The following ATRX variants were observed in gnomAD, a reference collection of about 807,000 sequenced individuals.
ATRX encodes the protein ATRX chromatin remodeler, also known as chromatin remodeler ATRX.
A neutral mutation model predicts 172.6 loss-of-function variants in ATRX; 12 were observed. The observed-to-expected ratio is 0.07, with a 90% CI of 0.04 to 0.11. ATRX has a LOEUF of 0.11. Among genes scored for constraint, ATRX ranks in the 10% least tolerant of loss-of-function variants. The probability of loss-of-function intolerance (pLI) is 1.00; values close to 1 mark genes in which losing one functional copy is unlikely to be tolerated. For synonymous variants in ATRX, 674 were observed against 594.7 expected, an observed-to-expected ratio of 1.13 and a Z score of -1.94; for missense variants, 1,368 against 1,767.4, an observed-to-expected ratio of 0.77 and a Z score of 4.05.
At chrX:77,623,194 C>T (rs1743050638) in intron 19 of ATRX, among the ~76,000 whole-genome samples, 1 of 111,036 alleles carries the variant, frequency 9.0e-6, no homozygotes, top group Non-Finnish European at 1.9e-5. Context: ...GAGAGAAAAT[C>T]CAAATAAAGT....
chrX:77,583,128 A>G (rs1557074962), intron 27 of ATRX, among the ~76,000 whole-genome samples: 2 of 111,989 alleles, frequency 1.8e-5, no homozygotes, highest in African/African-American at 6.5e-5. Flanking sequence ...TAATAAAATG[A>G]TCATCCATCA....
At chrX:77,764,644 G>A (rs781790643) in intron 1 of ATRX, among the ~76,000 whole-genome samples, 1 of 111,936 alleles carries the variant, frequency 8.9e-6, no homozygotes, top group Non-Finnish European at 1.9e-5. Context: ...TTTTACAGAA[G>A]ACTGGAATTG....
At chrX:77,570,793 T>C (rs1397963053) in intron 28 of ATRX, among the ~76,000 whole-genome samples, 1 of 111,582 alleles carries the variant, frequency 9.0e-6, no homozygotes, top group Non-Finnish European at 1.9e-5. Context: ...CAGGAAGTAT[T>C]TGCAAACCAT....
At chrX:77,641,833 G>A (rs2068672999) in intron 15 of ATRX, among the ~76,000 whole-genome samples, 1 of 110,638 alleles carries the variant, frequency 9.0e-6, no homozygotes, top group Non-Finnish European at 1.9e-5. Flanking sequence ...ATATTAAAGA[G>A]CATAATATAT....
intron 30 of ATRX, among the ~76,000 whole-genome samples, chrX:77,541,265 C>T (rs1476298783): frequency 1.8e-5 from 2 of 111,918 alleles, no homozygotes; most frequent in African/African-American, 6.5e-5. Flanking sequence ...AAGTCTAAAC[C>T]GGGAAGAAGT....
At chrX:77,777,664 A>C (rs1369348050) in intron 1 of ATRX, among the ~76,000 whole-genome samples, 1 of 111,569 alleles carries the variant, frequency 9.0e-6, no homozygotes, top group Non-Finnish European at 1.9e-5. Flanking sequence ...AAATAAGCAA[A>C]ATAACAAATC....
chrX:77,655,008 C>T (rs1394449486), intron 13 of ATRX, among the ~76,000 whole-genome samples: 2 of 111,128 alleles, frequency 1.8e-5, no homozygotes, highest in African/African-American at 6.5e-5. Flanking sequence ...AGCTGGAGCA[C>T]ATGATGCTAA....
chrX:77,652,404 T>C (rs1557117521), intron 14 of ATRX, 51 bp from the exon 15 acceptor site: 2 of 1,138,244 alleles, frequency 1.8e-6, no homozygotes, highest in Non-Finnish European at 2.4e-6. Flanking sequence ...ATTTAATTTA[T>C]CCATTTCATA....
chrX:77,655,803 C>T (rs2069515278), intron 13 of ATRX, among the ~76,000 whole-genome samples: 1 of 109,674 alleles, frequency 9.1e-6, no homozygotes, highest in African/African-American at 3.3e-5. Flanking sequence ...TAAGTATTAA[C>T]CTAAAAAAAC....
intron 11 of ATRX, 141 bp from the exon 12 acceptor site, chrX:77,663,699 G>T: frequency 2.1e-6 from 1 of 486,823 alleles, no homozygotes. Context: ...GTGTTATCAG[G>T]TAATCTCACA....
intron 28 of ATRX, among the ~76,000 whole-genome samples, chrX:77,571,290 C>G (rs1186781119): frequency 1.3e-4 from 15 of 111,907 alleles, no homozygotes; most frequent in Non-Finnish European, 7.5e-5. Flanking sequence ...ATAGCCAAAC[C>G]TGGACAAAAT....
At chrX:77,556,090 C>T (rs1382140152) in intron 30 of ATRX, among the ~76,000 whole-genome samples, 6 of 104,356 alleles carry the variant, frequency 5.7e-5, no homozygotes, top group African/African-American at 1.1e-4. Context: ...GCAGGAGAAT[C>T]GCTTGAACCC....
chrX:77,589,854 T>C lies in ATRX; in HGVS notation c.6197A>G (p.Asp2066Gly). The C allele has an allele frequency of 8.3e-7, 1 of 1,204,605 alleles. No homozygotes were observed. The highest frequency in any genetic ancestry group is 1.7e-5 in the African/African-American group (1 of 57,637). The stretch of plus-strand genomic sequence containing the variant: ...CTCACCTTTATAAATAAGGGGTTTA[T>C]CTTTATCTTCTGTCTTCTCCCTACT... Reference protein sequence around the residue: ...LASREKTEDKDKPLIYKGEGK... With the variant: ...LASREKTEDKGKPLIYKGEGK... The change falls in exon 27 of 35, where the codon GAT becomes GGT. Residue 2066 changes from aspartate (D) to glycine (G), a missense_variant. Transcript: ENST00000373344.
intron 1 of ATRX, among the ~76,000 whole-genome samples, chrX:77,731,544 C>T (rs565575270): frequency 3.6e-5 from 4 of 111,531 alleles, no homozygotes; most frequent in East Asian, 2.8e-4. Flanking sequence ...CCTGTTTGTC[C>T]GCTCTCTCCC....
chrX:77,716,322 AAAT>A (rs1312330287), intron 2 of ATRX, among the ~76,000 whole-genome samples: 1 of 41,843 alleles, frequency 2.4e-5, no homozygotes, highest in East Asian at 7.6e-4. Context: ...AAAAAAAAAA[AAAT>A]ATATATATAT....
intron 19 of ATRX, among the ~76,000 whole-genome samples, chrX:77,632,239 ATT>A (rs1286755515): frequency 2.2e-5 from 1 of 45,574 alleles, no homozygotes; most frequent in Non-Finnish European, 4.6e-5. Flanking sequence ...AGAAGCTTTA[ATT>A]TTTTTTTTCT....
At chrX:77,731,105 A>T (rs1196266914) in intron 1 of ATRX, among the ~76,000 whole-genome samples, 2 of 110,522 alleles carry the variant, frequency 1.8e-5, no homozygotes, top group Non-Finnish European at 3.8e-5. Flanking sequence ...AAAAGAAAAA[A>T]AAAAGAAGAT....
Position 77,684,085 on chromosome X carries a change from G to C in ATRX, c.1171C>G (p.Gln391Glu), listed in dbSNP as rs2148628936. 8.3e-7 allele frequency: 1 copy of C among 1,208,395 alleles called. No homozygotes were observed. The highest frequency in any genetic ancestry group is 1.1e-6 in the Non-Finnish European group (1 of 892,992). ...AACACAGACTTAAAAGCCTTAAGCT[G>C]ACGTAATTTTGTAGCAGAACTGATT... ...SEISSATKLRQLKAFKSVLAD... is the reference protein window; with the variant it reads ...SEISSATKLRELKAFKSVLAD... The change falls in exon 9 of 35, where the codon CAG becomes GAG. Residue 391 changes from glutamine (Q) to glutamate (E), a missense_variant. Physicochemically the swap from Gln to Glu is conservative, Grantham distance 29. This residue lies in a region of ATRX where 843 missense variants were observed against 643.1 expected (regional missense o/e 1.31). Transcript: ENST00000373344.
At chrX:77,595,426 T>C (rs1557083370) in intron 25 of ATRX, 1 of 111,725 alleles carries the variant, frequency 9.0e-6, no homozygotes, top group African/African-American at 3.2e-5. Context: ...ACTATATGAG[T>C]AATATAAATT....
Sources: gnomAD v4.1 joint callset for allele counts (sites outside exome capture counted in the v4.1 genomes callset) on GRCh38, gnomAD v4.1.1 for gene constraint, gnomAD v4.1.1 regional missense constraint, MANE v1.5 for transcripts, NCBI Gene and HGNC (gene_info 2026-07-23, HGNC 2026-07-21) for gene names.